ACOT13: variants seen among roughly 807,000 people sequenced by gnomAD.
The protein encoded by ACOT13 is acyl-coenzyme A thioesterase 13.
In ACOT13, 10 loss-of-function variants were observed where a neutral mutation model predicts 11.8. The observed-to-expected ratio is 0.85, with a 90% confidence interval of 0.53 to 1.44. The LOEUF is 1.44. Ranked by LOEUF, ACOT13 falls within the 40% of genes most tolerant of loss-of-function variation. The pLI is 0.00. For synonymous variants in ACOT13, 53 were observed against 61.0 expected (o/e 0.87, Z 0.61); for missense variants, 172 against 174.1 (o/e 0.99, Z 0.07).
intron 1 of ACOT13, among the ~76,000 whole-genome samples, chr6:24,693,965 C>A (rs1184582328): frequency 6.6e-6 from 1 of 152,146 alleles, no homozygotes; most frequent in East Asian, 1.9e-4. Flanking sequence ...CTCAAGTGAT[C>A]TGCCTGCCTC....
chr6:24,702,400 T>C lies in ACOT13; in HGVS notation c.*785T>C, dbSNP rs569673459. The C allele has an allele frequency of 4.6e-5, 7 of 152,270 alleles. No individual in the cohort carries two copies. Among genetic ancestry groups the C allele is most frequent in the African/African-American group, 1.7e-4 (7 of 41,550 alleles). The allele number at this position is 152,270 out of a possible 1,614,324, so 9.4% of individuals were successfully genotyped here. A position where few individuals can be genotyped will look rare whatever the true frequency, so the allele number is the denominator to read the frequency against. On this transcript the variant is annotated 3_prime_UTR_variant, in exon 3 of 3. Transcript: ENST00000230048. The stretch of plus-strand genomic sequence containing the variant: ...TGCTGGGATTACAGGTGTGAGCCAA[T>C]GTGCCCAGCCTGGGTTCTCTTTTGT...
intron 2 of ACOT13, among the ~76,000 whole-genome samples, chr6:24,700,571 G>C (rs9467262): frequency 4.0e-5 from 6 of 151,556 alleles, no homozygotes; most frequent in Admixed American, 1.3e-4. Context: ...AAGTAGCTGA[G>C]ATTACAGGTG....
chr6:24,681,507 A>ATTAT (rs34254928), intron 1 of ACOT13, among the ~76,000 whole-genome samples: 92 of 151,402 alleles, frequency 6.1e-4, no homozygotes, highest in African/African-American at 1.5e-3. Context: ...TTTTTTTTTT[A>ATTAT]TTCTATCTTT....
intron 1 of ACOT13, among the ~76,000 whole-genome samples, chr6:24,676,400 G>C (rs532597177): frequency 1.8e-3 from 264 of 143,780 alleles, no homozygotes; most frequent in African/African-American, 6.1e-3. Flanking sequence ...CTTTTATTTC[G>C]TTGAGCAGTG....
intron 1 of ACOT13, chr6:24,687,612 G>C: frequency 7.0e-7 from 1 of 1,432,240 alleles, no homozygotes; most frequent in Non-Finnish European, 9.2e-7. Flanking sequence ...GAGAGAAGCA[G>C]TAAAGATTTA....
At chr6:24,699,502 G>A (rs1057412419) in intron 2 of ACOT13, among the ~76,000 whole-genome samples, 12 of 152,174 alleles carry the variant, frequency 7.9e-5, no homozygotes, top group South Asian at 2.1e-4. Context: ...GAGCCACCGC[G>A]CCCAGCCAAT....
rs781540665 is a variant in ACOT13, at chr6:24,701,479, TAGG to T, written c.290_292del (p.Gly97del). On this transcript the variant is annotated inframe_deletion, in exon 3 of 3. Transcript: ENST00000230048. Reference sequence around the variant, plus strand: ...TCAAGGTACATGTCACCTGCAAAATTAGGAGAAGATATAGTGATTACAGCACAT... The same window carrying T: ...TCAAGGTACATGTCACCTGCAAAATTAGAAGATATAGTGATTACAGCACAT... 124 of 1,607,462 alleles carry T rather than the reference TAGG, an allele frequency of 7.7e-5. No homozygotes were observed. Among genetic ancestry groups the T allele is most frequent in the Non-Finnish European group, 9.3e-5 (110 of 1,176,818 alleles).
Sources: allele counts gnomAD v4.1 joint callset (sites outside exome capture counted in the v4.1 genomes callset), GRCh38; gene constraint gnomAD v4.1.1; transcripts MANE v1.5; gene names NCBI Gene and HGNC (gene_info 2026-07-23, HGNC 2026-07-21).